The following GDPD5 variants were observed in gnomAD, a reference collection of about 807,000 sequenced individuals.
GDPD5 encodes the protein glycerophosphodiester phosphodiesterase domain containing 5, also known as glycerophosphodiester phosphodiesterase 2.
Under a neutral mutation model 75.1 loss-of-function variants are expected in GDPD5, and 48 were observed. That is an observed-to-expected ratio of 0.64 (90% CI 0.51 to 0.81). GDPD5 has a LOEUF of 0.81. Ranked by LOEUF, GDPD5 falls within the 40% of genes least tolerant of loss-of-function variation. The pLI is 0.00. For missense variants in GDPD5, 706 were observed against 822.6 expected, an observed-to-expected ratio of 0.86 and a Z score of 1.73; for synonymous variants, 336 against 339.0, an observed-to-expected ratio of 0.99 and a Z score of 0.10.
Position 75,491,606 on chromosome 11 carries a change from CATGG to C in GDPD5, c.-144-1290_-144-1287del, listed in dbSNP as rs548299227. Among the ~76,000 whole-genome samples the C allele has an allele frequency of 2.8e-3, 419 of 152,296 alleles. 2 individuals are homozygous for C. The highest frequency in any genetic ancestry group is 6.8e-3 in the Middle Eastern group (2 of 294). On this transcript the variant is annotated intron_variant, in intron 1 of 16. Coordinates refer to ENST00000336898, the MANE Select transcript of GDPD5 (RefSeq NM_030792.8). The stretch of plus-strand genomic sequence containing the variant: ...TAGCAAGGCCAGAATGAGTCAAGAG[CATGG>C]GACCTGGAGTCGAACTACACAAGTT...
intron 3 of GDPD5, among the ~76,000 whole-genome samples, chr11:75,466,732 A>G (rs1189720147): frequency 1.3e-5 from 2 of 152,194 alleles, no homozygotes; most frequent in Non-Finnish European, 2.9e-5. Context: ...ATCAATGTGC[A>G]TATTATGACG....
chr11:75,486,158 C>T (rs1950018538), intron 2 of GDPD5, among the ~76,000 whole-genome samples: 1 of 152,172 alleles, frequency 6.6e-6, no homozygotes, highest in South Asian at 2.1e-4. Flanking sequence ...TAGCTACCCG[C>T]TCTCTCCTCA....
At chr11:75,512,281 G>GACACACACAC (rs145862089) in intron 1 of GDPD5, among the ~76,000 whole-genome samples, 11,636 of 123,004 alleles carry the variant, frequency 0.095, 883 homozygotes, top group African/African-American at 0.11. Context: ...AATTGGGAAG[G>GACACACACAC]ACACACACAC....
chr11:75,466,442 T>C (rs1471658764), intron 3 of GDPD5, among the ~76,000 whole-genome samples: 2 of 152,120 alleles, frequency 1.3e-5, no homozygotes, highest in African/African-American at 4.8e-5. Context: ...CCAATAGCAC[T>C]AATGGTCCTT....
chr11:75,437,087 G>A, intron 15 of GDPD5, 39 bp from the exon 16 acceptor site: 1 of 1,497,302 alleles, frequency 6.7e-7, no homozygotes, highest in Non-Finnish European at 9.3e-7. Flanking sequence ...TCTCTCCTCA[G>A]CCCTCCCTTG....
intron 11 of GDPD5, 176 bp from the exon 12 acceptor site, chr11:75,442,757 C>G: frequency 1.6e-6 from 1 of 625,956 alleles, no homozygotes; most frequent in Admixed American, 2.9e-5. Context: ...AACCTTTCTA[C>G]CCCACACCCT....
intron 2 of GDPD5, among the ~76,000 whole-genome samples, chr11:75,486,666 A>G (rs933689813): frequency 6.6e-6 from 1 of 151,760 alleles, no homozygotes; most frequent in African/African-American, 2.4e-5. Flanking sequence ...CAGCCCCTCC[A>G]CCTATCCTCA....
At chr11:75,524,436 T>C (rs1425241139) in intron 1 of GDPD5, among the ~76,000 whole-genome samples, 2 of 152,246 alleles carry the variant, frequency 1.3e-5, no homozygotes, top group Non-Finnish European at 2.9e-5. Context: ...AGTCTACTTG[T>C]GGCTCAAGGA....
chr11:75,466,662 C>T (rs1464784869), intron 3 of GDPD5, among the ~76,000 whole-genome samples: 2 of 152,220 alleles, frequency 1.3e-5, no homozygotes, highest in Admixed American at 1.3e-4. Context: ...AGGGCCACCA[C>T]ATATGGCTGA....
chr11:75,436,866 TC>T, intron 16 of GDPD5, 69 bp downstream of exon 16: 1 of 1,132,402 alleles, frequency 8.8e-7, no homozygotes, highest in South Asian at 1.3e-5. Flanking sequence ...TGCATACACA[TC>T]TGTTTGCATG....
chr11:75,502,379 G>C (rs564257383), intron 1 of GDPD5, among the ~76,000 whole-genome samples: 6 of 152,326 alleles, frequency 3.9e-5, no homozygotes, highest in Admixed American at 3.9e-4. Context: ...TTCCACAGTG[G>C]CAGTCACATC....
chr11:75,497,225 C>A (rs1264725080), intron 1 of GDPD5, among the ~76,000 whole-genome samples: 1 of 152,166 alleles, frequency 6.6e-6, no homozygotes, highest in African/African-American at 2.4e-5. Context: ...GTGTGCCCAG[C>A]AGACAGACGC....
intron 1 of GDPD5, chr11:75,508,087 A>C (rs1950441683): frequency 6.6e-6 from 1 of 152,120 alleles, no homozygotes; most frequent in Non-Finnish European, 1.5e-5. Flanking sequence ...GGACTCGCCC[A>C]CGTCACCTGG....
chr11:75,475,494 T>A (rs1331276909), intron 3 of GDPD5, among the ~76,000 whole-genome samples: 1 of 152,102 alleles, frequency 6.6e-6, no homozygotes, highest in Non-Finnish European at 1.5e-5. Context: ...ATTCCTTCGT[T>A]GTGAGAGTCC....
intron 6 of GDPD5, 137 bp downstream of exon 6, chr11:75,456,620 G>A: frequency 1.3e-6 from 1 of 768,534 alleles, no homozygotes; most frequent in Non-Finnish European, 2.2e-6. Flanking sequence ...TTGGCGCATA[G>A]TGAGTGCTCA....
chr11:75,470,983 C>T (rs1370058864), intron 3 of GDPD5, among the ~76,000 whole-genome samples: 2 of 152,206 alleles, frequency 1.3e-5, no homozygotes, highest in East Asian at 3.8e-4. Context: ...GTGGTTCCAG[C>T]TCTTCTTTGA....
At chr11:75,471,384 G>A (rs1949661562) in intron 3 of GDPD5, among the ~76,000 whole-genome samples, 1 of 152,220 alleles carries the variant, frequency 6.6e-6, no homozygotes, top group Admixed American at 6.5e-5. Flanking sequence ...CTAAGAGGCT[G>A]GATTTATTTT....
intron 1 of GDPD5, among the ~76,000 whole-genome samples, chr11:75,501,562 G>T (rs1950305311): frequency 6.6e-6 from 1 of 152,194 alleles, no homozygotes; most frequent in African/African-American, 2.4e-5. Flanking sequence ...GCCTTTGGCT[G>T]GGCCAGGGCT....
chr11:75,436,807 T>C, intron 16 of GDPD5, 129 bp downstream of exon 16: 1 of 686,986 alleles, frequency 1.5e-6, no homozygotes, highest in Non-Finnish European at 2.6e-6. Context: ...TGGGTTTATG[T>C]ACGTCTGTGC....
Sources: allele counts gnomAD v4.1 joint callset (sites outside exome capture counted in the v4.1 genomes callset), GRCh38; gene constraint gnomAD v4.1.1; transcripts MANE v1.5; gene names NCBI Gene and HGNC (gene_info 2026-07-23, HGNC 2026-07-21).